Variants in HEPACAM observed in about 807,000 individuals in gnomAD.
The protein encoded by HEPACAM is hepatic and glial cell adhesion molecule, also known as hepatocyte cell adhesion molecule.
In HEPACAM, 18 loss-of-function variants were observed where a neutral mutation model predicts 38.3. That is an observed-to-expected ratio of 0.47 (90% CI 0.33 to 0.70). The LOEUF (loss-of-function observed/expected upper bound fraction) is 0.70. HEPACAM is among the 30% of genes least tolerant of loss of function. The pLI is 0.03. For synonymous variants in HEPACAM, 216 were observed against 243.1 expected, an observed-to-expected ratio of 0.89 and a Z score of 1.04; for missense variants, 466 against 563.0, an observed-to-expected ratio of 0.83 and a Z score of 1.74.
Position 124,919,719 on chromosome 11 carries a change from G to A in HEPACAM, c.*1419C>T, listed in dbSNP as rs1947097262. The A allele has an allele frequency of 6.2e-7, 1 of 1,608,536 alleles. No homozygotes were observed. Among genetic ancestry groups the A allele is most frequent in the Non-Finnish European group, 8.5e-7 (1 of 1,177,416 alleles). On this transcript the variant is annotated 3_prime_UTR_variant, in exon 7 of 7. Coordinates refer to ENST00000298251, the MANE Select transcript of HEPACAM (RefSeq NM_152722.5). The stretch of plus-strand genomic sequence containing the variant: ...AACTAGAAATGTCAGTGCCTTTGGG[G>A]CTGAGACAAAACTTGACCTGGTGTG...
At chr11:124,923,668 C>G in intron 3 of HEPACAM, 61 bp downstream of exon 3, 2 of 1,599,794 alleles carry the variant, frequency 1.3e-6, no homozygotes, top group East Asian at 2.2e-5. Flanking sequence ...TCCTCAGTCC[C>G]TCATGGTCAC....
chr11:124,922,743 A>G lies in HEPACAM; in HGVS notation c.877+2T>C. ...TGGGTGATTGGGTGGCTGGGAGCTC[A>G]CCTTCTGGTTTCAGGCGGTCATCAT... On this transcript the variant is annotated splice_donor_variant, in intron 5 of 6. Coordinates refer to ENST00000298251, the MANE Select transcript of HEPACAM (RefSeq NM_152722.5). LOFTEE classifies it high-confidence loss of function. The G allele has an allele frequency of 6.2e-7, 1 of 1,614,108 alleles. No homozygotes were observed. The highest frequency in any genetic ancestry group is 8.5e-7 in the Non-Finnish European group (1 of 1,180,010).
At position 124,921,421 on chromosome 11, in the gene HEPACAM, T is replaced by C. The variant is rs995115727; in HGVS notation, c.968A>G (p.Glu323Gly). 3.1e-6 allele frequency: 4 copies of C among 1,271,200 alleles called. No individual in the cohort carries two copies. Among genetic ancestry groups the C allele is most frequent in the Non-Finnish European group, 4.0e-6 (4 of 1,011,080 alleles). The allele number at this position is 1,271,200 out of a possible 1,614,324, so 78.7% of individuals were successfully genotyped here. The change falls in exon 7 of 7, where the codon GAG becomes GGG. Residue 323 changes from glutamate (E) to glycine (G), a missense_variant. Coordinates refer to ENST00000298251, the MANE Select transcript of HEPACAM (RefSeq NM_152722.5). The surrounding 1 kb of genome is among the most constrained non-coding windows in gnomAD (Gnocchi z 4.6). Reference protein sequence around the residue: ...LKDKDSPETEENPAPEPRSAT... With the variant: ...LKDKDSPETEGNPAPEPRSAT... ...GCTTCGAGGCTCCGGGGCCGGGTTC[T>C]CCTCGGTCTCCGGGGAGTCCTGCAA...
At chr11:124,925,594 G>C (rs1947197961) in intron 1 of HEPACAM, among the ~76,000 whole-genome samples, 1 of 152,188 alleles carries the variant, frequency 6.6e-6, no homozygotes, top group South Asian at 2.1e-4. Context: ...AGCGGGTCGT[G>C]AGACAGTGCC....
chr11:124,931,861 A>C (rs1170230035), intron 1 of HEPACAM, among the ~76,000 whole-genome samples: 1 of 152,260 alleles, frequency 6.6e-6, no homozygotes, highest in Non-Finnish European at 1.5e-5. Context: ...TGTCTATCAA[A>C]GTTGAATAGA....
In HEPACAM at chr11:124,920,937, G is replaced by C. The variant is rs1023717366; in HGVS notation, c.*201C>G. ...AGTAAACCGGAAGCAAATGCGACCC[G>C]GTTTCACCATATCAACACTGCCGCC... On this transcript the variant is annotated 3_prime_UTR_variant, in exon 7 of 7. Transcript: ENST00000298251. 2 of 1,356,032 alleles carry C rather than the reference G, an allele frequency of 1.5e-6. No homozygotes were observed. Among genetic ancestry groups the C allele is most frequent in the South Asian group, 1.8e-5 (1 of 56,398 alleles). The allele number at this position is 1,356,032 out of a possible 1,614,324, so 84.0% of individuals were successfully genotyped here.
At chr11:124,922,158 G>A (rs1336350259) in intron 6 of HEPACAM, among the ~76,000 whole-genome samples, 1 of 152,202 alleles carries the variant, frequency 6.6e-6, no homozygotes, top group Non-Finnish European at 1.5e-5. Context: ...TAGGTTGCAC[G>A]CTCTTTAAGA....
At chr11:124,931,320 G>C (rs1363265344) in intron 1 of HEPACAM, among the ~76,000 whole-genome samples, 1 of 151,902 alleles carries the variant, frequency 6.6e-6, no homozygotes, top group African/African-American at 2.4e-5. Context: ...AGATTCTCTT[G>C]TCTCAACCTC....
In HEPACAM at chr11:124,922,413, A is replaced by G. The variant is rs199687807; in HGVS notation, c.923T>C (p.Met308Thr). ...CTTGTCCTTCAGGATATAGAGTGCCATGGGGTTCTTCCGTTCCTGCTCACC... is the reference window on the plus strand; with the variant it reads ...CTTGTCCTTCAGGATATAGAGTGCCGTGGGGTTCTTCCGTTCCTGCTCACC... The part of the protein sequence containing the change: ...RSGEQERKNP[M>T]ALYILKDKDS... Residue 308 changes from methionine to threonine, a missense_variant, in exon 6 of 7, where the codon ATG becomes ACG. Physicochemically the swap from Met to Thr is moderately conservative, Grantham distance 81 (BLOSUM62 -1). Transcript: ENST00000298251. The G allele has an allele frequency of 1.1e-5, 17 of 1,614,024 alleles. No homozygotes were observed. Among genetic ancestry groups the G allele is most frequent in the Non-Finnish European group, 1.3e-5 (15 of 1,180,020 alleles).
chr11:124,923,541 G>C (rs1031364694), intron 3 of HEPACAM, 108 bp from the exon 4 acceptor site: 1 of 1,113,840 alleles, frequency 9.0e-7, no homozygotes, highest in Non-Finnish European at 1.4e-6. Flanking sequence ...CAGGCTGCAT[G>C]CCTGGCTGAT....
intron 5 of HEPACAM, 56 bp from the exon 6 acceptor site, chr11:124,922,514 C>T (rs1439026938): frequency 2.3e-5 from 36 of 1,598,760 alleles, no homozygotes; most frequent in Middle Eastern, 1.7e-4. Flanking sequence ...CCCCACCAGC[C>T]GGCACCTACT....
chr11:124,930,374 A>G (rs1178708714), intron 1 of HEPACAM, among the ~76,000 whole-genome samples: 3 of 152,192 alleles, frequency 2.0e-5, no homozygotes, highest in Non-Finnish European at 1.5e-5. Context: ...CCTACAAGTC[A>G]TTTGAAGCGC....
At chr11:124,927,649 G>A (rs779569575) in intron 1 of HEPACAM, among the ~76,000 whole-genome samples, 3 of 151,900 alleles carry the variant, frequency 2.0e-5, no homozygotes, top group Admixed American at 6.6e-5. Flanking sequence ...GATTACAGGC[G>A]TGGGCCATTC....
At position 124,935,768 on chromosome 11, in the gene HEPACAM, G is replaced by A. The variant is rs561092917; in HGVS notation, c.85+154C>T. On this transcript the variant is annotated intron_variant, in intron 1 of 6. Transcript: ENST00000298251. ...CACAAAATAAAGAAATACGTTCAAC[G>A]CTAATGCCTGAATTCCCTGACATGT... Among the ~76,000 whole-genome samples the A allele has an allele frequency of 4.6e-5, 7 of 152,298 alleles. No homozygotes were observed. In the East Asian group the frequency reaches 5.8e-4, roughly 13 times the overall value.
At position 124,922,478 on chromosome 11, in the gene HEPACAM, G is replaced by C. The variant is rs545124275; in HGVS notation, c.878-20C>G. 1 of 1,613,730 alleles carries C rather than the reference G, an allele frequency of 6.2e-7. No homozygotes were observed. The highest frequency in any genetic ancestry group is 8.5e-7 in the Non-Finnish European group (1 of 1,179,718). On this transcript the variant is annotated intron_variant, in intron 5 of 6. Transcript: ENST00000298251. ...TGTCTGCTGCACAGGGGAGAGAAGC[G>C]GGTGGCTGGCCCAGGTACAGACTCT...
Position 124,919,987 on chromosome 11 carries a change from G to A in HEPACAM, c.*1151C>T, listed in dbSNP as rs747279939. ...ATGGGCATGTCCTGGCTACACAGCG[G>A]CCCAGCCTCTTTATTTTGATGTTAG... On this transcript the variant is annotated 3_prime_UTR_variant, in exon 7 of 7. Coordinates refer to ENST00000298251, the MANE Select transcript of HEPACAM (RefSeq NM_152722.5). The A allele has an allele frequency of 1.6e-5, 26 of 1,613,230 alleles. No homozygotes were observed. The African/African-American group carries it at 3.5e-4, about 22-fold the overall frequency.
In HEPACAM at chr11:124,920,752, G is replaced by A; in HGVS notation, c.*386C>T. ...CATTTGTTCAGAGGGAAGGGTGGTGGGTGGGAAACAACACAGCTCCCTAGG... is the reference window on the plus strand; with the variant it reads ...CATTTGTTCAGAGGGAAGGGTGGTGAGTGGGAAACAACACAGCTCCCTAGG... On this transcript the variant is annotated 3_prime_UTR_variant, in exon 7 of 7. Transcript: ENST00000298251. The A allele has an allele frequency of 1.2e-5, 13 of 1,073,808 alleles. No individual in the cohort carries two copies. Among genetic ancestry groups the A allele is most frequent in the Non-Finnish European group, 1.5e-5 (13 of 887,454 alleles). 66.5% of individuals were successfully genotyped at this position (1,073,808 alleles called of 1,614,324 possible). A position where few individuals can be genotyped will look rare whatever the true frequency, so the allele number is the denominator to read the frequency against.
At chr11:124,925,400 C>T (rs1947195566) in intron 1 of HEPACAM, among the ~76,000 whole-genome samples, 1 of 152,214 alleles carries the variant, frequency 6.6e-6, no homozygotes, top group African/African-American at 2.4e-5. Context: ...TTGAACATCT[C>T]CTATCTGCCA....
chr11:124,920,424 GGGA>G lies in HEPACAM; in HGVS notation c.*711_*713del. ...ATGGCATGCCTCCGAGGGAGGCTGT[GGGA>G]GGAGGCCAAGCTGGCAGGCTCGGGT... is the stretch of plus-strand genomic sequence containing the variant. On this transcript the variant is annotated 3_prime_UTR_variant, in exon 7 of 7. Transcript: ENST00000298251. 6.5e-7 allele frequency: 1 copy of G among 1,547,912 alleles called. No homozygotes were observed. The highest frequency in any genetic ancestry group is 8.7e-7 in the Non-Finnish European group (1 of 1,145,908).
Sources: allele counts gnomAD v4.1 joint callset (sites outside exome capture counted in the v4.1 genomes callset), GRCh38; gene constraint gnomAD v4.1.1; non-coding constraint Gnocchi (gnomAD v3.1); transcripts MANE v1.5; gene names NCBI Gene and HGNC (gene_info 2026-07-23, HGNC 2026-07-21).